MX1: variants seen among roughly 807,000 people sequenced by gnomAD.
MX1 encodes interferon-induced GTP-binding protein Mx1.
MX1 carries 66 observed loss-of-function variants against 66.4 expected under a neutral mutation model. That is an observed-to-expected ratio of 0.99 (90% CI 0.82 to 1.22). The LOEUF (loss-of-function observed/expected upper bound fraction) is 1.22, where lower values mean the gene tolerates loss of function less well. Among genes scored for constraint, MX1 ranks in the 50% most tolerant of loss-of-function variants. The pLI, the probability that MX1 is intolerant of heterozygous loss-of-function variation, is 0.00. For synonymous variants in MX1, 311 were observed against 318.1 expected (o/e 0.98, Z 0.24); for missense variants, 787 against 834.3 (o/e 0.94, Z 0.70).
At position 41,445,431 on chromosome 21, in the gene MX1, C is replaced by T. The variant is rs779981700; in HGVS notation, c.1009-17C>T. 2 of 1,613,224 alleles carry T rather than the reference C, an allele frequency of 1.2e-6. No individual in the cohort carries two copies. Among genetic ancestry groups the T allele is most frequent in the Non-Finnish European group, 1.7e-6 (2 of 1,179,582 alleles). ...CATCTTTACACATTTCCATTATTTT[C>T]TCTCCATTTTCCTCAGAAATCTCTG... On this transcript the variant is annotated splice_polypyrimidine_tract_variant and intron_variant, in intron 11 of 16. Coordinates refer to ENST00000398598, the MANE Select transcript of MX1 (RefSeq NM_002462.5).
rs150522777 is a variant in MX1 at position 41,432,118 on chromosome 21, A to C, written c.48A>C (p.Ala16=). 5.0e-6 allele frequency: 8 copies of C among 1,614,102 alleles called. No homozygotes were observed. Among genetic ancestry groups the C allele is most frequent in the Non-Finnish European group, 6.8e-6 (8 of 1,180,060 alleles). ...TCGCAAAAGCTGATCCAGCTGCTGC[A>C]TCCCACCCTCTATTACTGAATGGAG... ...VDIAKADPAA[A]SHPLLLNGDA... Residue 16 remains alanine (A), a synonymous_variant, in exon 5 of 17, where the codon GCA becomes GCC. Transcript: ENST00000398598.
intron 11 of MX1, 55 bp downstream of exon 11, chr21:41,443,921 T>C: frequency 6.6e-7 from 1 of 1,508,500 alleles, no homozygotes; most frequent in Non-Finnish European, 9.2e-7. Context: ...ACCGCAGAGC[T>C]GAACCTTGCT....
upstream of MX1, chr21:41,421,335 CAGG>C (rs2089991230): frequency 6.6e-6 from 1 of 152,230 alleles, no homozygotes; most frequent in Non-Finnish European, 1.5e-5. Context: ...CAGGGACGGG[CAGG>C]AGACAGATGC....
chr21:41,433,896 G>A (rs541735441), intron 5 of MX1, among the ~76,000 whole-genome samples: 1 of 152,332 alleles, frequency 6.6e-6, no homozygotes, highest in African/African-American at 2.4e-5. Context: ...GCTACCAACT[G>A]TATTCATGCA....
At chr21:41,449,111 T>G in intron 13 of MX1, 26 bp from the exon 14 acceptor site, 2 of 1,557,136 alleles carry the variant, frequency 1.3e-6, no homozygotes, top group Middle Eastern at 1.8e-4. Flanking sequence ...GTAAAATAAT[T>G]TAGAGGGTTT....
intron 12 of MX1, 179 bp from the exon 13 acceptor site, chr21:41,445,821 G>T: frequency 1.2e-6 from 1 of 851,060 alleles, no homozygotes; most frequent in Non-Finnish European, 1.8e-6. Flanking sequence ...GATCCCTAAG[G>T]CAGTAAGGGG....
At chr21:41,420,672 GC>G (rs2089983343) in exon 1 of MX1, 1 of 152,350 alleles carries the variant, frequency 6.6e-6, no homozygotes, top group African/African-American at 2.4e-5. Flanking sequence ...CAGGACCAGG[GC>G]CGGCCTTCCG....
In MX1 at chr21:41,445,509, T is replaced by C; in HGVS notation, c.1070T>C (p.Leu357Pro). Residue 357 changes from leucine to proline, a missense_variant, in exon 12 of 17, where the codon CTA (leucine) becomes CCA (proline). Leu to Pro is a moderately conservative substitution (Grantham distance 98). Transcript: ENST00000398598. Reference sequence around the variant, plus strand: ...ACTCACCAGAGAATAACAGAGGAGCTACAAAAGTATGGTGTCGACATACCG... The same window carrying C: ...ACTCACCAGAGAATAACAGAGGAGCCACAAAAGTATGGTGTCGACATACCG... ...KETHQRITEE[L>P]QKYGVDIPED... The C allele has an allele frequency of 6.2e-7, 1 of 1,614,160 alleles. No homozygotes were observed. Among genetic ancestry groups the C allele is most frequent in the Non-Finnish European group, 8.5e-7 (1 of 1,180,018 alleles).
intron 13 of MX1, among the ~76,000 whole-genome samples, chr21:41,448,678 T>C (rs544547592): frequency 1.5e-4 from 23 of 152,008 alleles, no homozygotes; most frequent in Non-Finnish European, 2.6e-4. Flanking sequence ...TGGTGGCGGG[T>C]ACCTGTAGTC....
chr21:41,444,928 C>T (rs760446927), intron 11 of MX1, among the ~76,000 whole-genome samples: 18 of 152,156 alleles, frequency 1.2e-4, no homozygotes, highest in Non-Finnish European at 2.4e-4. Context: ...GTGCAGCTTT[C>T]ACATGTCAGC....
In MX1 at chr21:41,446,135, CAAG is replaced by C. The variant is rs755701332; in HGVS notation, c.1271_1273del (p.Glu424del). 1.1e-5 allele frequency: 18 copies of C among 1,613,684 alleles called. No homozygotes were observed. The highest frequency in any genetic ancestry group is 1.5e-5 in the Non-Finnish European group (18 of 1,179,824). On this transcript the variant is annotated inframe_deletion, in exon 13 of 17. Transcript: ENST00000398598. Reference sequence around the variant, plus strand: ...GAGTACAATAATTGAAAACAATTTTCAAGAAGGTGAGTGTCTTAGTCCCTTCTT... The same window carrying C: ...GAGTACAATAATTGAAAACAATTTTCAAGGTGAGTGTCTTAGTCCCTTCTT...
At chr21:41,449,468 A>T in intron 14 of MX1, 173 bp downstream of exon 14, 1 of 605,744 alleles carries the variant, frequency 1.7e-6, no homozygotes, top group South Asian at 2.2e-5. Context: ...CAATTCTGAC[A>T]CTAACTACCC....
chr21:41,437,161 C>A lies in MX1; in HGVS notation c.436+9C>A. On this transcript the variant is annotated intron_variant, in intron 7 of 16. Coordinates refer to ENST00000398598, the MANE Select transcript of MX1 (RefSeq NM_002462.5). ...AAAGGAAATTAATAAAGGTGAGTAC[C>A]CCCTGTTTGGATGCCTGGTCAAGCC... 6.2e-7 allele frequency: 1 copy of A among 1,613,652 alleles called. No individual in the cohort carries two copies. The highest frequency in any genetic ancestry group is 1.3e-5 in the African/African-American group (1 of 74,956).
In MX1 at chr21:41,449,118, G is replaced by T. The variant is rs199789584; in HGVS notation, c.1274-19G>T. On this transcript the variant is annotated intron_variant, in intron 13 of 16. Coordinates refer to ENST00000398598, the MANE Select transcript of MX1 (RefSeq NM_002462.5). ...TTATTTTTGTAAAATAATTTAGAGGGTTTTTTTTCCTGCTATAGGCCATAA... is the reference window on the plus strand; with the variant it reads ...TTATTTTTGTAAAATAATTTAGAGGTTTTTTTTTCCTGCTATAGGCCATAA... 9.5e-4 allele frequency: 1,479 copies of T among 1,558,122 alleles called. 5 individuals are homozygous for T. Among genetic ancestry groups the T allele is most frequent in the Non-Finnish European group, 1.2e-3 (1,340 of 1,153,736 alleles).
rs537433829 is a variant in MX1 at position 41,459,150 on chromosome 21, C to A, written c.*392C>A. The A allele has an allele frequency of 8.1e-6, 2 of 245,748 alleles. No homozygotes were observed. Among genetic ancestry groups the A allele is most frequent in the Middle Eastern group, 1.4e-3 (1 of 712 alleles). The allele number at this position is 245,748 out of a possible 1,614,324, so 15.2% of individuals were successfully genotyped here. On this transcript the variant is annotated 3_prime_UTR_variant, in exon 17 of 17. Transcript: ENST00000398598. ...CCCAGTGTTTTAGGAGCATGAGTGC[C>A]GTGTGTGTGCGTCCTGTCGGAGCCC...
intron 5 of MX1, 130 bp downstream of exon 5, chr21:41,432,305 G>A: frequency 1.3e-6 from 1 of 792,022 alleles, no homozygotes; most frequent in Non-Finnish European, 2.1e-6. Flanking sequence ...CCAGGACGCA[G>A]ATCCTGACCC....
At chr21:41,428,845 TA>T (rs1263428946) in intron 3 of MX1, 3 of 152,202 alleles carry the variant, frequency 2.0e-5, no homozygotes, top group African/African-American at 2.4e-5. Flanking sequence ...TTTGAGACAT[TA>T]GGGTCACAAG....
intron 16 of MX1, among the ~76,000 whole-genome samples, chr21:41,455,050 G>A (rs1241620365): frequency 6.6e-6 from 1 of 152,044 alleles, no homozygotes; most frequent in African/African-American, 2.4e-5. Flanking sequence ...GGGATTACAG[G>A]CTTACCTTGC....
chr21:41,443,550 A>G lies in MX1; in HGVS notation c.930-238A>G, dbSNP rs2090576182. The stretch of plus-strand genomic sequence containing the variant: ...TCTATAGTCAGACACCATGATACAC[A>G]TTTATTATATCAGCTGGAAGAGCTC... On this transcript the variant is annotated intron_variant, in intron 10 of 16. Coordinates refer to ENST00000398598, the MANE Select transcript of MX1 (RefSeq NM_002462.5). The G allele has an allele frequency of 1.1e-5, 6 of 544,188 alleles. No individual in the cohort carries two copies. In the Admixed American group the frequency reaches 1.9e-4, roughly 18 times the overall value. 33.7% of individuals were successfully genotyped at this position (544,188 alleles called of 1,614,324 possible).
Sources: gnomAD v4.1 joint callset for allele counts (sites outside exome capture counted in the v4.1 genomes callset) on GRCh38, gnomAD v4.1.1 for gene constraint, MANE v1.5 for transcripts, NCBI Gene and HGNC (gene_info 2026-07-23, HGNC 2026-07-21) for gene names.